The following NEBL variants were observed in gnomAD, a reference collection of about 807,000 sequenced individuals.
NEBL encodes the protein nebulette.
Under a neutral mutation model 140.2 loss-of-function variants are expected in NEBL, and 122 were observed. That is an observed-to-expected ratio of 0.87 (90% CI 0.75 to 1.01). The LOEUF is 1.01. NEBL is among the 50% of genes least tolerant of loss of function. The pLI, the probability that NEBL is intolerant of heterozygous loss-of-function variation, is 0.00. For synonymous variants in NEBL, 436 were observed against 398.9 expected (o/e 1.09, Z -1.11); for missense variants, 1,365 against 1,231.3 (o/e 1.11, Z -1.62).
At chr10:21,119,644 A>G (rs1838438877) in intron 2 of NEBL, among the ~76,000 whole-genome samples, 1 of 152,016 alleles carries the variant, frequency 6.6e-6, no homozygotes, top group South Asian at 2.1e-4. Context: ...CATTATGACA[A>G]TTAAGTCATA....
intron 2 of NEBL, among the ~76,000 whole-genome samples, chr10:21,130,122 A>G (rs1170484075): frequency 2.1e-5 from 1 of 47,768 alleles, no homozygotes; most frequent in African/African-American, 6.5e-4. Flanking sequence ...AACAGGGTAG[A>G]ACTTCAAAAC....
chr10:21,274,902 G>C (rs1056671988), intron 1 of NEBL, among the ~76,000 whole-genome samples: 2 of 151,942 alleles, frequency 1.3e-5, no homozygotes, highest in African/African-American at 4.8e-5. Context: ...TCATCATAAA[G>C]GTCTTCATCC....
chr10:21,069,852 G>A (rs908039466), intron 2 of NEBL: 2 of 379,774 alleles, frequency 5.3e-6, no homozygotes, highest in Admixed American at 6.5e-5. Flanking sequence ...TCACAACATT[G>A]TCTTTTACAG....
intron 4 of NEBL, among the ~76,000 whole-genome samples, chr10:20,961,464 T>C (rs558625701): frequency 6.6e-6 from 1 of 152,228 alleles, no homozygotes; most frequent in Admixed American, 6.5e-5. Flanking sequence ...AAGGAGATCT[T>C]CTATTAGGTA....
intron 2 of NEBL, among the ~76,000 whole-genome samples, chr10:21,155,475 G>C (rs773953410): frequency 6.6e-6 from 1 of 151,896 alleles, no homozygotes; most frequent in African/African-American, 2.4e-5. Context: ...TTACTCTCTA[G>C]CTCCATGAGT....
chr10:21,061,827 G>A (rs1835320483), intron 2 of NEBL, among the ~76,000 whole-genome samples: 1 of 152,150 alleles, frequency 6.6e-6, no homozygotes, highest in South Asian at 2.1e-4. Context: ...CCCCTGCAGT[G>A]ATTGTACTTG....
At chr10:21,255,290 G>C (rs544438265) in intron 1 of NEBL, among the ~76,000 whole-genome samples, 1 of 152,148 alleles carries the variant, frequency 6.6e-6, no homozygotes, top group East Asian at 1.9e-4. Context: ...ATTAGTGATG[G>C]AGAAAAGACC....
chr10:21,261,163 G>A (rs900856978), intron 1 of NEBL, among the ~76,000 whole-genome samples: 8 of 152,160 alleles, frequency 5.3e-5, no homozygotes, highest in Admixed American at 1.3e-4. Flanking sequence ...CAGGGAAATG[G>A]TGGGTAACCC....
At chr10:20,941,718 C>G (rs977794138) in intron 4 of NEBL, among the ~76,000 whole-genome samples, 6 of 151,998 alleles carry the variant, frequency 3.9e-5, no homozygotes, top group Non-Finnish European at 8.8e-5. Context: ...CTTAATTAAG[C>G]TAATAGGCAA....
intron 3 of NEBL, among the ~76,000 whole-genome samples, chr10:20,966,598 A>G (rs1216666972): frequency 2.0e-5 from 3 of 152,242 alleles, no homozygotes; most frequent in East Asian, 1.9e-4. Context: ...GTCATCAGCA[A>G]TTAGCTCTCC....
intron 16 of NEBL, among the ~76,000 whole-genome samples, chr10:20,829,222 G>A (rs1008464568): frequency 3.9e-5 from 6 of 152,040 alleles, no homozygotes; most frequent in Admixed American, 1.3e-4. Context: ...TTAAGAAAAT[G>A]TGGCACATAT....
At chr10:21,262,198 C>T (rs1402891383) in intron 1 of NEBL, among the ~76,000 whole-genome samples, 4 of 152,172 alleles carry the variant, frequency 2.6e-5, no homozygotes, top group South Asian at 2.1e-4. Context: ...ACTATGGAAA[C>T]GGCTCCAATG....
intron 1 of NEBL, among the ~76,000 whole-genome samples, chr10:21,285,099 T>C (rs971571656): frequency 2.6e-5 from 4 of 152,212 alleles, no homozygotes; most frequent in East Asian, 1.9e-4. Flanking sequence ...TGAGTCACTA[T>C]GACATTGTTT....
intron 2 of NEBL, among the ~76,000 whole-genome samples, chr10:21,133,977 A>G (rs940243574): frequency 6.6e-6 from 1 of 152,218 alleles, no homozygotes; most frequent in Non-Finnish European, 1.5e-5. Flanking sequence ...CTGTAATCCC[A>G]GCACTTTGGG....
chr10:21,275,663 A>G, intron 1 of NEBL, among the ~76,000 whole-genome samples: 1 of 137,620 alleles, frequency 7.3e-6, no homozygotes, highest in Non-Finnish European at 1.5e-5. Context: ...TTTTTGAGAC[A>G]GAGTTTTGCT....
chr10:20,850,186 C>T (rs1344294965), intron 11 of NEBL, among the ~76,000 whole-genome samples: 1 of 152,024 alleles, frequency 6.6e-6, no homozygotes, highest in Non-Finnish European at 1.5e-5. Context: ...GCTTGAGATC[C>T]AATTCACCAA....
chr10:21,236,391 A>G (rs1476836541), intron 3 of NEBL, among the ~76,000 whole-genome samples: 2 of 135,262 alleles, frequency 1.5e-5, no homozygotes. Context: ...TCTGTTGCCC[A>G]GGCTGGAGTG....
chr10:20,830,895 C>T (rs1459370091), intron 16 of NEBL, among the ~76,000 whole-genome samples: 3 of 137,566 alleles, frequency 2.2e-5, no homozygotes, highest in Middle Eastern at 3.9e-3. Context: ...AAGAGTGAGA[C>T]CTCCATCTCT....
intron 1 of NEBL, among the ~76,000 whole-genome samples, chr10:21,290,207 A>G (rs1843123763): frequency 6.6e-6 from 1 of 152,238 alleles, no homozygotes; most frequent in South Asian, 2.1e-4. Context: ...TGCTGTCAGC[A>G]TAGACAGTCT....
Sources: gnomAD v4.1 joint callset for allele counts (sites outside exome capture counted in the v4.1 genomes callset) on GRCh38, gnomAD v4.1.1 for gene constraint, MANE v1.5 for transcripts, NCBI Gene and HGNC (gene_info 2026-07-23, HGNC 2026-07-21) for gene names.